The following KCND2 variants were observed in gnomAD, a reference collection of about 807,000 sequenced individuals.
The protein encoded by KCND2 is potassium voltage-gated channel subfamily D member 2, also known as A-type voltage-gated potassium channel KCND2.
Under a neutral mutation model 54.4 loss-of-function variants are expected in KCND2, and 16 were observed. The observed-to-expected ratio is 0.29, with a 90% CI of 0.20 to 0.45. The LOEUF is 0.45. Among genes scored for constraint, KCND2 ranks in the 20% least tolerant of loss-of-function variants. The probability of loss-of-function intolerance (pLI) is 1.00; values close to 1 mark genes in which losing one functional copy is unlikely to be tolerated. For missense variants in KCND2, 486 were observed against 824.2 expected (o/e 0.59, Z 5.02); for synonymous variants, 317 against 310.7 (o/e 1.02, Z -0.21).
chr7:120,447,338 C>A (rs1463576460), intron 1 of KCND2, among the ~76,000 whole-genome samples: 2 of 142,728 alleles, frequency 1.4e-5, no homozygotes. Flanking sequence ...CTAGGTCTTT[C>A]ATTTTGTACC....
intron 1 of KCND2, among the ~76,000 whole-genome samples, chr7:120,453,457 C>G (rs958827353): frequency 1.1e-4 from 17 of 152,218 alleles, no homozygotes; most frequent in African/African-American, 3.9e-4. Context: ...TGCAGGAATG[C>G]TGGTGACCCC....
chr7:120,720,962 A>G (rs139046079), intron 1 of KCND2, among the ~76,000 whole-genome samples: 10 of 152,336 alleles, frequency 6.6e-5, no homozygotes, highest in Non-Finnish European at 1.3e-4. Context: ...TACGAAGAGA[A>G]GTAAGAAAGT....
chr7:120,375,716 G>A (rs1800827197), intron 1 of KCND2, among the ~76,000 whole-genome samples: 1 of 151,766 alleles, frequency 6.6e-6, no homozygotes, highest in Non-Finnish European at 1.5e-5. Flanking sequence ...GTGTTTTCCT[G>A]ACGAAGCTCA....
At chr7:120,494,130 T>C (rs1380833593) in intron 1 of KCND2, among the ~76,000 whole-genome samples, 1 of 152,048 alleles carries the variant, frequency 6.6e-6, no homozygotes, top group Admixed American at 6.6e-5. Flanking sequence ...TTTAAAGCAA[T>C]AAAATAATAA....
At chr7:120,494,198 C>T (rs1802820631) in intron 1 of KCND2, among the ~76,000 whole-genome samples, 1 of 152,076 alleles carries the variant, frequency 6.6e-6, no homozygotes, top group Non-Finnish European at 1.5e-5. Flanking sequence ...AGATGGAGTA[C>T]AGAAGCAGCA....
chr7:120,552,725 G>A (rs1188510793), intron 1 of KCND2, among the ~76,000 whole-genome samples: 3 of 151,918 alleles, frequency 2.0e-5, no homozygotes, highest in Admixed American at 2.0e-4. Flanking sequence ...GTCACTCCAG[G>A]AGAAGGTCAG....
chr7:120,701,844 C>A (rs1792406437), intron 1 of KCND2, among the ~76,000 whole-genome samples: 1 of 152,162 alleles, frequency 6.6e-6, no homozygotes, highest in African/African-American at 2.4e-5. Flanking sequence ...AAACTCAAAA[C>A]TCTCAAAACC....
chr7:120,532,494 T>C (rs746593724), intron 1 of KCND2, among the ~76,000 whole-genome samples: 9 of 151,942 alleles, frequency 5.9e-5, no homozygotes, highest in Non-Finnish European at 8.8e-5. Context: ...AATAAAAATC[T>C]ATATGTCACC....
rs144494641 is a variant in KCND2, at chr7:120,395,739, C to T, written c.1115+119992C>T. ...GTAACTTCCAGGCTGTTACCATGGCCCATTGCCATGGCATTAGTAAACTGT... is the reference window on the plus strand; with the variant it reads ...GTAACTTCCAGGCTGTTACCATGGCTCATTGCCATGGCATTAGTAAACTGT... On this transcript the variant is annotated intron_variant, in intron 1 of 5. Transcript: ENST00000331113. Among the ~76,000 whole-genome samples, 216 of 152,092 alleles carry T rather than the reference C, an allele frequency of 1.4e-3. 1 individual carries two copies. Among genetic ancestry groups the T allele is most frequent in the African/African-American group, 5.1e-3 (213 of 41,510 alleles).
chr7:120,590,978 TAGAAAATCTATACTGC>T (rs1322894358), intron 1 of KCND2, among the ~76,000 whole-genome samples: 3 of 152,170 alleles, frequency 2.0e-5, no homozygotes, highest in African/African-American at 7.2e-5. Flanking sequence ...CTTGGGCTGC[TAGAAAATCTATACTGC>T]AGGTTTTCTG....
chr7:120,633,908 G>A (rs1010220945), intron 1 of KCND2, among the ~76,000 whole-genome samples: 1 of 152,090 alleles, frequency 6.6e-6, no homozygotes, highest in Admixed American at 6.6e-5. Flanking sequence ...TTTAAGTTGG[G>A]TAGTATAGCA....
At chr7:120,455,913 G>A (rs113471874) in intron 1 of KCND2, among the ~76,000 whole-genome samples, 21 of 152,214 alleles carry the variant, frequency 1.4e-4, no homozygotes, top group African/African-American at 2.2e-4. Flanking sequence ...CTCCTGTGAC[G>A]TGCAGTTTAC....
chr7:120,541,061 T>C (rs571609928), intron 1 of KCND2, among the ~76,000 whole-genome samples: 9 of 152,244 alleles, frequency 5.9e-5, no homozygotes, highest in African/African-American at 2.2e-4. Context: ...TAGCCCATGC[T>C]CTATTTCAGA....
At chr7:120,280,387 G>A (rs879609945) in intron 1 of KCND2, among the ~76,000 whole-genome samples, 1 of 152,064 alleles carries the variant, frequency 6.6e-6, no homozygotes, top group Non-Finnish European at 1.5e-5. Flanking sequence ...TTGGTTGCCA[G>A]ACAGAGGTAT....
Position 120,383,826 on chromosome 7 carries a change from A to G in KCND2, c.1115+108079A>G, listed in dbSNP as rs185653722. Among the ~76,000 whole-genome samples, 120 of 152,216 alleles carry G rather than the reference A, an allele frequency of 7.9e-4. No individual in the cohort carries two copies. The Middle Eastern group carries it at 0.01, about 13-fold the overall frequency. ...TATAATTATTTAAAAGGCAAAATATACTTCACAGTGCACCTTATAATCATT... is the reference window on the plus strand; with the variant it reads ...TATAATTATTTAAAAGGCAAAATATGCTTCACAGTGCACCTTATAATCATT... On this transcript the variant is annotated intron_variant, in intron 1 of 5. Transcript: ENST00000331113.
intron 1 of KCND2, among the ~76,000 whole-genome samples, chr7:120,459,967 C>A (rs1562844252): frequency 6.6e-6 from 1 of 152,138 alleles, no homozygotes; most frequent in African/African-American, 2.4e-5. Flanking sequence ...GTACTTGTTT[C>A]TTTTTCAATG....
chr7:120,704,438 C>A (rs1026574767), intron 1 of KCND2, among the ~76,000 whole-genome samples: 12 of 152,062 alleles, frequency 7.9e-5, no homozygotes, highest in African/African-American at 2.4e-5. Flanking sequence ...CTCTGGTCAT[C>A]TGAGTTGTTT....
intron 1 of KCND2, among the ~76,000 whole-genome samples, chr7:120,585,612 G>C (rs1406852677): frequency 5.9e-5 from 9 of 151,992 alleles, no homozygotes; most frequent in Non-Finnish European, 1.2e-4. Flanking sequence ...GGTATCAAGG[G>C]GAGAAAAGAG....
At chr7:120,383,244 A>T (rs867837548) in intron 1 of KCND2, among the ~76,000 whole-genome samples, 6 of 151,656 alleles carry the variant, frequency 4.0e-5, no homozygotes, top group Non-Finnish European at 7.4e-5. Flanking sequence ...CATTGGCCAG[A>T]TTTTCTGTCT....
Sources: gnomAD v4.1 joint callset for allele counts (sites outside exome capture counted in the v4.1 genomes callset) on GRCh38, gnomAD v4.1.1 for gene constraint, MANE v1.5 for transcripts, NCBI Gene and HGNC (gene_info 2026-07-23, HGNC 2026-07-21) for gene names.